Variants in CHIC2 observed in about 807,000 individuals in gnomAD.
CHIC2 encodes the protein cysteine rich hydrophobic domain 2.
A neutral mutation model predicts 25.9 loss-of-function variants in CHIC2; 14 were observed. The observed-to-expected ratio is 0.54, with a 90% CI of 0.36 to 0.85. The LOEUF (loss-of-function observed/expected upper bound fraction) is 0.85. Ranked by LOEUF, CHIC2 falls within the 40% of genes least tolerant of loss-of-function variation. The pLI is 0.01. For missense variants in CHIC2, 146 were observed against 202.0 expected, an observed-to-expected ratio of 0.72 and a Z score of 1.68; for synonymous variants, 70 against 72.0, an observed-to-expected ratio of 0.97 and a Z score of 0.14.
At position 54,009,970 on chromosome 4, in the gene CHIC2, A is replaced by C; in HGVS notation, c.*125T>G. 1 of 579,218 alleles carries C rather than the reference A, an allele frequency of 1.7e-6. No individual in the cohort carries two copies. Among genetic ancestry groups the C allele is most frequent in the Non-Finnish European group, 3.0e-6 (1 of 338,514 alleles). The allele number at this position is 579,218 out of a possible 1,614,324, so 35.9% of individuals were successfully genotyped here. ...GCGGTTATTTAAAAAAAAAACAAAAACAAAAACAAAAAAAACACCACACGA... is the reference window on the plus strand; with the variant it reads ...GCGGTTATTTAAAAAAAAAACAAAACCAAAAACAAAAAAAACACCACACGA... On this transcript the variant is annotated 3_prime_UTR_variant, in exon 6 of 6. Transcript: ENST00000263921.
chr4:54,048,290 A>T (rs1444185503), intron 3 of CHIC2, among the ~76,000 whole-genome samples: 1 of 152,196 alleles, frequency 6.6e-6, no homozygotes, highest in Non-Finnish European at 1.5e-5. Flanking sequence ...GTGCCTGGCC[A>T]GAATTTTTTA....
chr4:54,053,005 AAAC>A (rs1717055072), intron 1 of CHIC2, among the ~76,000 whole-genome samples: 1 of 152,350 alleles, frequency 6.6e-6, no homozygotes, highest in Non-Finnish European at 1.5e-5. Context: ...ACAGAATATT[AAAC>A]AACCATTAAA....
intron 3 of CHIC2, among the ~76,000 whole-genome samples, chr4:54,015,370 TAAC>T (rs1327972200): frequency 1.3e-5 from 2 of 152,162 alleles, no homozygotes; most frequent in Non-Finnish European, 2.9e-5. Context: ...GTGCCCTTGT[TAAC>T]AATGATCAGC....
chr4:54,064,573 G>T lies in CHIC2; in HGVS notation c.-273C>A. ...CACCTCCACAAGCACAGACGCCGCT[G>T]CCGCCGCCGCAGCAGCAGCAACTCA... On this transcript the variant is annotated 5_prime_UTR_variant, in exon 1 of 6. Transcript: ENST00000263921. The surrounding 1 kb of genome is among the most constrained non-coding windows in gnomAD (Gnocchi z 4.2). 1 of 1,263,252 alleles carries T rather than the reference G, an allele frequency of 7.9e-7. No homozygotes were observed. The highest frequency in any genetic ancestry group is 1.0e-6 in the Non-Finnish European group (1 of 1,003,578). The allele number at this position is 1,263,252 out of a possible 1,614,324, so 78.3% of individuals were successfully genotyped here. A position where few individuals can be genotyped will look rare whatever the true frequency, so the allele number is the denominator to read the frequency against.
At chr4:54,037,378 C>G (rs1372766240) in intron 3 of CHIC2, among the ~76,000 whole-genome samples, 1 of 151,904 alleles carries the variant, frequency 6.6e-6, no homozygotes, top group African/African-American at 2.4e-5. Context: ...AAAAATAAAA[C>G]AAGAAGACAA....
intron 3 of CHIC2, among the ~76,000 whole-genome samples, chr4:54,021,194 G>A (rs190896467): frequency 2.2e-4 from 33 of 152,120 alleles, no homozygotes; most frequent in Admixed American, 1.6e-3. Flanking sequence ...ATACAAACTC[G>A]ATAATGGTTC....
At chr4:54,010,929 T>C (rs1281826037) in intron 5 of CHIC2, among the ~76,000 whole-genome samples, 4 of 152,080 alleles carry the variant, frequency 2.6e-5, no homozygotes, top group Non-Finnish European at 4.4e-5. Flanking sequence ...AAAAGGCCTT[T>C]TAATAGGAAA....
intron 3 of CHIC2, among the ~76,000 whole-genome samples, chr4:54,035,094 T>C (rs979989289): frequency 1.3e-5 from 2 of 152,234 alleles, no homozygotes; most frequent in African/African-American, 4.8e-5. Context: ...ACAATGTACT[T>C]GGCCATGTGT....
At chr4:54,078,816 C>T in the CHIC2 span, among the ~76,000 whole-genome samples, 3 of 152,012 alleles carry the variant, frequency 2.0e-5, no homozygotes, top group Non-Finnish European at 2.9e-5. Context: ...TTCCCGGCCT[C>T]TCTTATGATT....
chr4:54,047,557 C>T (rs1281048751), intron 3 of CHIC2, among the ~76,000 whole-genome samples: 7 of 150,454 alleles, frequency 4.7e-5, no homozygotes, highest in Non-Finnish European at 1.0e-4. Flanking sequence ...GGACAAAAAA[C>T]CAAACACCGC....
intron 5 of CHIC2, among the ~76,000 whole-genome samples, chr4:54,010,805 T>C (rs1205763396): frequency 6.6e-6 from 1 of 152,154 alleles, no homozygotes; most frequent in African/African-American, 2.4e-5. Context: ...AGAGTTGCTC[T>C]CATTTTACTC....
At chr4:54,060,565 A>G (rs1032776583) in intron 1 of CHIC2, 1 of 152,158 alleles carries the variant, frequency 6.6e-6, no homozygotes, top group Non-Finnish European at 1.5e-5. Flanking sequence ...TGTCTGTTAT[A>G]ATGACAGATT....
At chr4:54,081,912 G>C in the CHIC2 span, among the ~76,000 whole-genome samples, 2 of 152,136 alleles carry the variant, frequency 1.3e-5, no homozygotes, top group East Asian at 3.9e-4. Flanking sequence ...CCATAGTTTT[G>C]AATAGCAATT....
chr4:54,073,531 C>T, the CHIC2 span, among the ~76,000 whole-genome samples: 1 of 152,194 alleles, frequency 6.6e-6, no homozygotes, highest in African/African-American at 2.4e-5. Context: ...CTCACATGAA[C>T]AGGAACTGAG....
intron 3 of CHIC2, among the ~76,000 whole-genome samples, chr4:54,019,398 A>C (rs968387888): frequency 6.6e-6 from 1 of 152,210 alleles, no homozygotes; most frequent in African/African-American, 2.4e-5. Context: ...GCTATTTGTT[A>C]AAAGTAATAT....
At chr4:54,045,939 A>G (rs1203991600) in intron 3 of CHIC2, among the ~76,000 whole-genome samples, 1 of 152,222 alleles carries the variant, frequency 6.6e-6, no homozygotes, top group Non-Finnish European at 1.5e-5. Flanking sequence ...GCTGATAAGC[A>G]ACTTCAGCAA....
chr4:54,072,863 G>A, the CHIC2 span, among the ~76,000 whole-genome samples: 1 of 152,180 alleles, frequency 6.6e-6, no homozygotes, highest in African/African-American at 2.4e-5. Context: ...ACAAAGTCAG[G>A]AGATCAAGAC....
At chr4:54,075,892 T>G in the CHIC2 span, among the ~76,000 whole-genome samples, 1 of 152,192 alleles carries the variant, frequency 6.6e-6, no homozygotes, top group South Asian at 2.1e-4. Context: ...TTATAAAACA[T>G]GTTCATTTGC....
At chr4:54,022,800 C>T (rs902978574) in intron 3 of CHIC2, among the ~76,000 whole-genome samples, 50 of 152,136 alleles carry the variant, frequency 3.3e-4, no homozygotes, top group Admixed American at 3.3e-3. Flanking sequence ...AATATCCCAT[C>T]CCACAGCACG....
Sources: gnomAD v4.1 joint callset for allele counts (sites outside exome capture counted in the v4.1 genomes callset) on GRCh38, gnomAD v4.1.1 for gene constraint, Gnocchi (gnomAD v3.1) non-coding constraint, MANE v1.5 for transcripts, NCBI Gene and HGNC (gene_info 2026-07-23, HGNC 2026-07-21) for gene names.